The following CSMD1 variants were observed in gnomAD, a reference collection of about 807,000 sequenced individuals.
CSMD1 encodes the protein CUB and Sushi multiple domains 1, also known as CUB and sushi domain-containing protein 1.
CSMD1 carries 213 observed loss-of-function variants against 417.5 expected under a neutral mutation model. The ratio of observed to expected loss-of-function variants is 0.51; its 90% CI spans 0.46 to 0.57. The LOEUF is 0.57. Ranked by LOEUF, CSMD1 falls within the 20% of genes least tolerant of loss-of-function variation. The probability of loss-of-function intolerance (pLI) is 0.00; values close to 1 mark genes in which losing one functional copy is unlikely to be tolerated. For synonymous variants in CSMD1, 2,862 were observed against 1,736.8 expected, an observed-to-expected ratio of 1.65 and a Z score of -16.11; for missense variants, 6,923 against 4,529.7, an observed-to-expected ratio of 1.53 and a Z score of -15.17.
intron 1 of CSMD1, among the ~76,000 whole-genome samples, chr8:4,639,145 T>C (rs1019617542): frequency 1.3e-5 from 2 of 152,118 alleles, no homozygotes; most frequent in African/African-American, 4.8e-5. Flanking sequence ...ATCCACCTAC[T>C]TTGCAGGGTG....
chr8:4,342,902 T>A (rs1403775248), intron 3 of CSMD1, among the ~76,000 whole-genome samples: 1 of 152,102 alleles, frequency 6.6e-6, no homozygotes, highest in Non-Finnish European at 1.5e-5. Context: ...AAAGGACTTA[T>A]GTTTTAGAGA....
chr8:4,099,648 T>G (rs1426233302), intron 3 of CSMD1, among the ~76,000 whole-genome samples: 1 of 151,848 alleles, frequency 6.6e-6, no homozygotes, highest in Non-Finnish European at 1.5e-5. Context: ...GGGTTCAGAA[T>G]AAACCAATGC....
intron 3 of CSMD1, among the ~76,000 whole-genome samples, chr8:4,220,896 A>G (rs1184565043): frequency 1.3e-5 from 2 of 152,166 alleles, no homozygotes; most frequent in Admixed American, 6.5e-5. Context: ...TGGATGTGGG[A>G]GGAATAAGTA....
intron 5 of CSMD1, among the ~76,000 whole-genome samples, chr8:3,788,834 A>G (rs1026997031): frequency 1.3e-5 from 2 of 152,202 alleles, no homozygotes; most frequent in African/African-American, 4.8e-5. Context: ...TGCAACCTTC[A>G]CACTAACATT....
At chr8:3,419,402 G>C (rs969664718) in intron 12 of CSMD1, among the ~76,000 whole-genome samples, 1 of 152,032 alleles carries the variant, frequency 6.6e-6, no homozygotes, top group Non-Finnish European at 1.5e-5. Flanking sequence ...GAACAAAATA[G>C]GAATAAAAAT....
At chr8:4,156,751 G>C (rs1422663784) in intron 3 of CSMD1, among the ~76,000 whole-genome samples, 1 of 152,124 alleles carries the variant, frequency 6.6e-6, no homozygotes, top group Admixed American at 6.6e-5. Context: ...TTCAACCTTT[G>C]AACAGGAAAT....
chr8:3,252,615 T>TG (rs1303707422), intron 26 of CSMD1, among the ~76,000 whole-genome samples: 205 of 152,200 alleles, frequency 1.3e-3, no homozygotes, highest in African/African-American at 4.5e-3. Context: ...TTCTATTGAT[T>TG]GAATAGTTTC....
At chr8:3,445,636 A>C (rs1412536275) in intron 12 of CSMD1, among the ~76,000 whole-genome samples, 1 of 152,150 alleles carries the variant, frequency 6.6e-6, no homozygotes, top group African/African-American at 2.4e-5. Flanking sequence ...TTCACTTGGG[A>C]GACAGCTGTA....
intron 26 of CSMD1, among the ~76,000 whole-genome samples, chr8:3,250,269 T>C (rs1293357958): frequency 2.6e-5 from 4 of 152,194 alleles, no homozygotes; most frequent in Admixed American, 6.5e-5. Flanking sequence ...CCATGTGTAC[T>C]CATTGTTCAA....
chr8:4,830,383 A>T (rs960179232), intron 1 of CSMD1, among the ~76,000 whole-genome samples: 1 of 152,208 alleles, frequency 6.6e-6, no homozygotes, highest in African/African-American at 2.4e-5. Context: ...AAAAAATAAC[A>T]CTTATCTGTA....
chr8:3,119,503 T>C (rs1367292704), intron 41 of CSMD1, among the ~76,000 whole-genome samples: 1 of 151,542 alleles, frequency 6.6e-6, no homozygotes, highest in Non-Finnish European at 1.5e-5. Flanking sequence ...TTATGTTCCC[T>C]AGAATAAACT....
At chr8:3,799,644 A>T (rs13438805) in intron 5 of CSMD1, among the ~76,000 whole-genome samples, 1 of 151,774 alleles carries the variant, frequency 6.6e-6, no homozygotes, top group Non-Finnish European at 1.5e-5. Context: ...GTAGCATTGC[A>T]GAAAACAAGT....
At chr8:3,554,959 C>G (rs75609124) in intron 10 of CSMD1, among the ~76,000 whole-genome samples, 1,926 of 152,040 alleles carry the variant, frequency 0.013, 45 homozygotes, top group African/African-American at 0.044. Context: ...TAAAGAGAAG[C>G]CCAGACACCT....
At chr8:3,313,984 G>A (rs977994654) in intron 23 of CSMD1, among the ~76,000 whole-genome samples, 2 of 152,036 alleles carry the variant, frequency 1.3e-5, no homozygotes, top group Non-Finnish European at 2.9e-5. Context: ...CATGGATGAA[G>A]CTGGAAACCA....
intron 2 of CSMD1, among the ~76,000 whole-genome samples, chr8:4,534,559 A>G (rs190867913): frequency 6.6e-6 from 1 of 152,232 alleles, no homozygotes; most frequent in East Asian, 1.9e-4. Context: ...AGTACCCAAT[A>G]GGTAGTTTTT....
chr8:3,742,082 G>A (rs1046589141), intron 6 of CSMD1, among the ~76,000 whole-genome samples: 2 of 151,196 alleles, frequency 1.3e-5, no homozygotes, highest in Admixed American at 6.6e-5. Context: ...TCACATCCTG[G>A]TGCACCTGGC....
chr8:4,486,260 T>TATATATACATAC (rs1801411161), intron 2 of CSMD1, among the ~76,000 whole-genome samples: 2 of 131,648 alleles, frequency 1.5e-5, no homozygotes, highest in Non-Finnish European at 3.2e-5. Flanking sequence ...CATATATATA[T>TATATATACATAC]ATATATATAT....
chr8:4,943,122 A>T (rs1808128758), intron 1 of CSMD1, among the ~76,000 whole-genome samples: 1 of 152,242 alleles, frequency 6.6e-6, no homozygotes, highest in Non-Finnish European at 1.5e-5. Flanking sequence ...TGAAGGAATT[A>T]GTGGAGGATT....
In CSMD1 at chr8:3,175,537, TTCCCTCCCTCCCTCTC is replaced by T. The variant is rs529908340; in HGVS notation, c.5725+5557_5725+5572del. On this transcript the variant is annotated intron_variant, in intron 37 of 69. Coordinates refer to ENST00000635120, the MANE Select transcript of CSMD1 (RefSeq NM_033225.6). ...TTTTCCTTCCTTCCTTCCTTCCTTC[TTCCCTCCCTCCCTCTC>T]TCCCTCCCTGCCTTCCTTCCTTCCT... is the stretch of plus-strand genomic sequence containing the variant. Among the ~76,000 whole-genome samples, 471 of 132,524 alleles carry T rather than the reference TTCCCTCCCTCCCTCTC, an allele frequency of 3.6e-3. 5 individuals are homozygous for T. The highest frequency in any genetic ancestry group is 0.012 in the African/African-American group (460 of 37,034). The allele number at this position is 132,524 out of a possible 152,430, so 86.9% of individuals were successfully genotyped here.
Sources: gnomAD v4.1 joint callset for allele counts (sites outside exome capture counted in the v4.1 genomes callset) on GRCh38, gnomAD v4.1.1 for gene constraint, MANE v1.5 for transcripts, NCBI Gene and HGNC (gene_info 2026-07-23, HGNC 2026-07-21) for gene names.